PRTG: variants seen among roughly 807,000 people sequenced by gnomAD.
PRTG encodes immunoglobulin superfamily, DCC subclass, member 5.
Under a neutral mutation model 122.5 loss-of-function variants are expected in PRTG, and 67 were observed. The observed-to-expected ratio is 0.55, with a 90% CI of 0.45 to 0.67. The LOEUF (loss-of-function observed/expected upper bound fraction) is 0.67. PRTG is among the 30% of genes least tolerant of loss of function. PRTG has a pLI of 0.00. For missense variants in PRTG, 1,435 were observed against 1,415.4 expected (o/e 1.01, Z -0.22); for synonymous variants, 554 against 501.1 (o/e 1.11, Z -1.41).
intron 18 of PRTG, among the ~76,000 whole-genome samples, chr15:55,623,425 G>A (rs2059177369): frequency 6.6e-6 from 1 of 152,182 alleles, no homozygotes; most frequent in Admixed American, 6.5e-5. Flanking sequence ...AAATTAGTCA[G>A]GCATGGTGGC....
At chr15:55,666,092 G>C (rs2059437952) in intron 11 of PRTG, among the ~76,000 whole-genome samples, 2 of 152,194 alleles carry the variant, frequency 1.3e-5, no homozygotes, top group Non-Finnish European at 2.9e-5. Context: ...ATGCCAGACT[G>C]AGTGGTTTAA....
At chr15:55,627,177 T>C (rs1484680204) in intron 16 of PRTG, 49 bp from the exon 17 acceptor site, 7 of 1,395,714 alleles carry the variant, frequency 5.0e-6, no homozygotes, top group Admixed American at 4.7e-5. Context: ...AAATAAATTA[T>C]TTAATTTATA....
At chr15:55,719,784 C>T (rs925699520) in intron 2 of PRTG, among the ~76,000 whole-genome samples, 1 of 152,060 alleles carries the variant, frequency 6.6e-6, no homozygotes, top group Admixed American at 6.6e-5. Flanking sequence ...TTTGGCCCGG[C>T]GCACTGACTC....
At chr15:55,676,066 C>G (rs547450238) in intron 8 of PRTG, among the ~76,000 whole-genome samples, 1 of 152,066 alleles carries the variant, frequency 6.6e-6, no homozygotes, top group South Asian at 2.1e-4. Context: ...TTCTTTTAAA[C>G]ATAAATGGAG....
At position 55,742,924 on chromosome 15, in the gene PRTG, G is replaced by C. The variant is rs540432954; in HGVS notation, c.8C>G (p.Pro3Arg). The change falls in exon 1 of 20, where the codon CCT (proline) becomes CGT (arginine). Residue 3 changes from proline (P) to arginine (R), a missense_variant. Coordinates refer to ENST00000389286, the MANE Select transcript of PRTG (RefSeq NM_173814.6). MA[P>R]PLRPLARLRP... ...CAGCCGGGCGAGGGGTCGCAGAGGA[G>C]GCGCCATTCAGCGTAGCCGCGCGGG... 1.3e-5 allele frequency: 20 copies of C among 1,523,726 alleles called. No homozygotes were observed. In the East Asian group the frequency reaches 4.9e-4, roughly 37 times the overall value. The allele number at this position is 1,523,726 out of a possible 1,614,324, so 94.4% of individuals were successfully genotyped here. A position where few individuals can be genotyped will look rare whatever the true frequency, so the allele number is the denominator to read the frequency against.
At chr15:55,630,374 C>G (rs984896063) in intron 15 of PRTG, among the ~76,000 whole-genome samples, 1 of 152,144 alleles carries the variant, frequency 6.6e-6, no homozygotes, top group African/African-American at 2.4e-5. Flanking sequence ...CTGCCCACCT[C>G]GGCCTCCCAA....
intron 13 of PRTG, among the ~76,000 whole-genome samples, chr15:55,638,979 T>TTCAC (rs995112210): frequency 5.3e-5 from 8 of 151,902 alleles, no homozygotes; most frequent in African/African-American, 1.9e-4. Context: ...CATTCATTCA[T>TTCAC]TCATTCATTC....
intron 11 of PRTG, among the ~76,000 whole-genome samples, chr15:55,647,905 G>A (rs1209672357): frequency 6.6e-6 from 1 of 152,186 alleles, no homozygotes; most frequent in Admixed American, 6.5e-5. Context: ...GGCAGACAAA[G>A]GTTCCCAAGT....
intron 2 of PRTG, chr15:55,738,455 C>T: frequency 1.4e-6 from 1 of 700,838 alleles, no homozygotes; most frequent in South Asian, 1.5e-5. Flanking sequence ...AATGCTTCAT[C>T]TTCTCATGGC....
intron 5 of PRTG, 91 bp from the exon 6 acceptor site, chr15:55,680,303 A>G: frequency 1.6e-6 from 2 of 1,215,980 alleles, no homozygotes; most frequent in Non-Finnish European, 2.3e-6. Context: ...CAATCATGAA[A>G]AGTATAAAAT....
chr15:55,649,975 T>C (rs2141753452), intron 11 of PRTG, among the ~76,000 whole-genome samples: 1 of 152,328 alleles, frequency 6.6e-6, no homozygotes, highest in East Asian at 1.9e-4. Flanking sequence ...TTTCGTCATC[T>C]ATAAAATGTG....
chr15:55,670,139 CGT>C (rs1226130783), intron 11 of PRTG, among the ~76,000 whole-genome samples: 4 of 151,810 alleles, frequency 2.6e-5, no homozygotes, highest in South Asian at 2.1e-4. Flanking sequence ...TACATACATG[CGT>C]GTGTGTGTAT....
At chr15:55,730,550 C>T (rs889196392) in intron 2 of PRTG, among the ~76,000 whole-genome samples, 11 of 152,082 alleles carry the variant, frequency 7.2e-5, no homozygotes, top group African/African-American at 2.7e-4. Flanking sequence ...CCTGTAATCC[C>T]AGCACTTTGG....
intron 2 of PRTG, among the ~76,000 whole-genome samples, chr15:55,722,960 C>A (rs1323980770): frequency 6.6e-6 from 1 of 152,148 alleles, no homozygotes; most frequent in African/African-American, 2.4e-5. Context: ...AAAACCGAGC[C>A]CACCAGCAAG....
Position 55,725,896 on chromosome 15 carries a change from G to A in PRTG, c.397+14486C>T, listed in dbSNP as rs148785663. ...AAGCAATTCTTCTGCCTCAGCCTCC[G>A]GAGTAGCTGAGATTACAGGGACCCA... is the stretch of plus-strand genomic sequence containing the variant. On this transcript the variant is annotated intron_variant, in intron 2 of 19. Transcript: ENST00000389286. 7.2e-4 allele frequency among the ~76,000 whole-genome samples: 109 copies of A among 151,524 alleles called. 2 individuals are homozygous for A. The East Asian group carries it at 0.018, about 25-fold the overall frequency.
intron 11 of PRTG, among the ~76,000 whole-genome samples, chr15:55,641,930 T>G (rs1006825757): frequency 6.6e-5 from 10 of 151,396 alleles, no homozygotes; most frequent in Non-Finnish European, 1.5e-4. Context: ...ATCCCAGCAC[T>G]TTGGGAGGCC....
chr15:55,683,845 G>A lies in PRTG; in HGVS notation c.484C>T (p.Pro162Ser). The change falls in exon 3 of 20, where the codon CCT becomes TCT. Residue 162 changes from proline (P) to serine (S), a missense_variant. Physicochemically the swap from Pro to Ser is moderately conservative, Grantham distance 74. Coordinates refer to ENST00000389286, the MANE Select transcript of PRTG (RefSeq NM_173814.6). The part of the protein sequence containing the change: ...ARFACKISSH[P>S]PAVITWEFNR... The stretch of plus-strand genomic sequence containing the variant: ...AACTCCCATGTTATGACTGCAGGAG[G>A]GTGGGATGAAATCTTGCATGCAAAT... 2 of 1,613,830 alleles carry A rather than the reference G, an allele frequency of 1.2e-6. No homozygotes were observed. Among genetic ancestry groups the A allele is most frequent in the Non-Finnish European group, 1.7e-6 (2 of 1,179,788 alleles).
intron 9 of PRTG, among the ~76,000 whole-genome samples, chr15:55,674,804 G>A (rs2059493109): frequency 6.6e-6 from 1 of 152,130 alleles, no homozygotes; most frequent in African/African-American, 2.4e-5. Context: ...GATTAAGCAT[G>A]TATTAAATCA....
intron 11 of PRTG, among the ~76,000 whole-genome samples, chr15:55,648,239 T>C (rs1223461577): frequency 6.6e-6 from 1 of 152,184 alleles, no homozygotes; most frequent in Non-Finnish European, 1.5e-5. Flanking sequence ...TAATTCAATC[T>C]GTTATTAATA....
Sources: allele counts gnomAD v4.1 joint callset (sites outside exome capture counted in the v4.1 genomes callset), GRCh38; gene constraint gnomAD v4.1.1; transcripts MANE v1.5; gene names NCBI Gene and HGNC (gene_info 2026-07-23, HGNC 2026-07-21).